The following PTPRM variants were observed in gnomAD, a reference collection of about 807,000 sequenced individuals.
PTPRM encodes protein tyrosine phosphatase receptor type M.
Under a neutral mutation model 186.7 loss-of-function variants are expected in PTPRM, and 47 were observed. The ratio of observed to expected loss-of-function variants is 0.25; its 90% confidence interval spans 0.20 to 0.32. The LOEUF (loss-of-function observed/expected upper bound fraction) is 0.32, where lower values mean the gene tolerates loss of function less well. Ranked by LOEUF, PTPRM falls within the 10% of genes least tolerant of loss-of-function variation. PTPRM has a pLI of 1.00. For missense variants in PTPRM, 1,494 were observed against 1,865.0 expected (o/e 0.80, Z 3.66); for synonymous variants, 668 against 674.9 (o/e 0.99, Z 0.16).
chr18:7,640,382 G>A (rs941337400), intron 1 of PTPRM, among the ~76,000 whole-genome samples: 1 of 152,096 alleles, frequency 6.6e-6, no homozygotes, highest in Non-Finnish European at 1.5e-5. Context: ...GCAATTTTGT[G>A]ATAATGAGGA....
chr18:7,879,196 C>T (rs903119854), intron 2 of PTPRM, among the ~76,000 whole-genome samples: 3 of 152,148 alleles, frequency 2.0e-5, no homozygotes, highest in Non-Finnish European at 4.4e-5. Context: ...CAGAACCCAC[C>T]GGGTTTCCTC....
At chr18:8,195,215 C>T (rs1049876095) in intron 14 of PTPRM, among the ~76,000 whole-genome samples, 3 of 139,220 alleles carry the variant, frequency 2.2e-5, no homozygotes, top group African/African-American at 8.1e-5. Flanking sequence ...AGGCCTTTCA[C>T]AAGGACTTCA....
At chr18:8,251,588 T>C (rs1004599682) in intron 17 of PTPRM, 1 of 152,218 alleles carries the variant, frequency 6.6e-6, no homozygotes, top group African/African-American at 2.4e-5. Flanking sequence ...TACCACCCTT[T>C]TTTATTTTGT....
At chr18:7,712,601 C>A (rs1374286970) in intron 1 of PTPRM, among the ~76,000 whole-genome samples, 1 of 151,688 alleles carries the variant, frequency 6.6e-6, no homozygotes, top group Non-Finnish European at 1.5e-5. Context: ...TAACCCAATG[C>A]AAGGAAGCTA....
At chr18:7,819,483 A>G (rs1187755299) in intron 2 of PTPRM, among the ~76,000 whole-genome samples, 3 of 133,690 alleles carry the variant, frequency 2.2e-5, no homozygotes, top group African/African-American at 7.7e-5. Context: ...AGGGCAGAGG[A>G]GAGCCCAGGC....
intron 2 of PTPRM, among the ~76,000 whole-genome samples, chr18:7,798,266 C>A (rs1459325012): frequency 6.6e-6 from 1 of 152,244 alleles, no homozygotes; most frequent in Non-Finnish European, 1.5e-5. Context: ...CATGGTGGCT[C>A]ACTCCTGTAA....
chr18:8,275,091 T>C (rs188979030), intron 19 of PTPRM, among the ~76,000 whole-genome samples: 1 of 152,244 alleles, frequency 6.6e-6, no homozygotes, highest in African/African-American at 2.4e-5. Context: ...AATCAAAGCA[T>C]CCCTGTCTCA....
intron 7 of PTPRM, among the ~76,000 whole-genome samples, chr18:8,042,888 T>G (rs967734795): frequency 4.6e-5 from 7 of 152,188 alleles, no homozygotes; most frequent in African/African-American, 1.4e-4. Flanking sequence ...CCAGGCCTCA[T>G]GTACTCATCG....
intron 14 of PTPRM, among the ~76,000 whole-genome samples, chr18:8,196,229 C>A (rs2146774625): frequency 6.6e-6 from 1 of 152,286 alleles, no homozygotes; most frequent in Admixed American, 6.5e-5. Context: ...TCACCTTAAT[C>A]CCTTTCAGAA....
chr18:7,850,033 C>A (rs2145926059), intron 2 of PTPRM, among the ~76,000 whole-genome samples: 1 of 152,276 alleles, frequency 6.6e-6, no homozygotes, highest in South Asian at 2.1e-4. Flanking sequence ...CCCTGTTTTA[C>A]AATCATGAAA....
intron 29 of PTPRM, among the ~76,000 whole-genome samples, chr18:8,382,392 G>T (rs953418874): frequency 6.6e-6 from 1 of 152,048 alleles, no homozygotes; most frequent in African/African-American, 2.4e-5. Flanking sequence ...AGAAAAATGG[G>T]CAGAACGGTT....
intron 1 of PTPRM, among the ~76,000 whole-genome samples, chr18:7,649,262 T>G (rs1241616325): frequency 1.3e-5 from 2 of 152,218 alleles, no homozygotes; most frequent in African/African-American, 4.8e-5. Flanking sequence ...ATGCACCTGG[T>G]CACACAAGAG....
At chr18:8,026,711 A>C (rs1255185381) in intron 7 of PTPRM, among the ~76,000 whole-genome samples, 2 of 152,152 alleles carry the variant, frequency 1.3e-5, no homozygotes, top group Non-Finnish European at 2.9e-5. Flanking sequence ...ACAAAAAATT[A>C]GCCAGGTGTG....
chr18:8,288,310 T>C (rs77709126), intron 19 of PTPRM, among the ~76,000 whole-genome samples: 9,273 of 152,240 alleles, frequency 0.061, 330 homozygotes, highest in Middle Eastern at 0.14. Flanking sequence ...AGCTTCATCA[T>C]TGGCAACATG....
chr18:8,108,132 A>G (rs901387548), intron 11 of PTPRM, among the ~76,000 whole-genome samples: 4 of 152,174 alleles, frequency 2.6e-5, no homozygotes, highest in Admixed American at 2.6e-4. Context: ...CATGTAATTA[A>G]TATTTTCATT....
chr18:7,628,672 G>T (rs1195230824), intron 1 of PTPRM, among the ~76,000 whole-genome samples: 2 of 151,904 alleles, frequency 1.3e-5, no homozygotes, highest in Non-Finnish European at 2.9e-5. Context: ...TTTTGTCCAT[G>T]ACTGTTAATA....
intron 19 of PTPRM, among the ~76,000 whole-genome samples, chr18:8,257,816 A>T (rs2094588344): frequency 6.6e-6 from 1 of 152,196 alleles, no homozygotes; most frequent in African/African-American, 2.4e-5. Context: ...TCTCTGCTGA[A>T]CAGGTTTCAA....
At chr18:7,834,041 T>C (rs975636585) in intron 2 of PTPRM, among the ~76,000 whole-genome samples, 1 of 152,110 alleles carries the variant, frequency 6.6e-6, no homozygotes, top group Admixed American at 6.5e-5. Context: ...ATGTTCTAGA[T>C]CTTTAATATG....
intron 2 of PTPRM, among the ~76,000 whole-genome samples, chr18:7,849,411 T>C (rs560118453): frequency 6.6e-6 from 1 of 152,318 alleles, no homozygotes; most frequent in South Asian, 2.1e-4. Flanking sequence ...CCTAGATGGG[T>C]CTCTTTTAGA....
Sources: allele counts gnomAD v4.1 joint callset (sites outside exome capture counted in the v4.1 genomes callset), GRCh38; gene constraint gnomAD v4.1.1; transcripts MANE v1.5; gene names NCBI Gene and HGNC (gene_info 2026-07-23, HGNC 2026-07-21).